Variants in NCOR1 observed in about 807,000 individuals in gnomAD.
NCOR1 encodes the protein protein phosphatase 1, regulatory subunit 109.
NCOR1 carries 63 observed loss-of-function variants against 288.1 expected under a neutral mutation model. That is an observed-to-expected ratio of 0.22 (90% CI 0.18 to 0.27). The LOEUF is 0.27. Ranked by LOEUF, NCOR1 falls within the 10% of genes least tolerant of loss-of-function variation. The pLI is 1.00. For missense variants in NCOR1, 2,397 were observed against 3,019.2 expected (o/e 0.79, Z 4.83); for synonymous variants, 1,007 against 1,065.9 (o/e 0.94, Z 1.08).
chr17:16,045,980 A>AT (rs1262149316), intron 42 of NCOR1, among the ~76,000 whole-genome samples: 1 of 152,120 alleles, frequency 6.6e-6, no homozygotes, highest in East Asian at 1.9e-4. Context: ...CACCCAGCTA[A>AT]TTTTTTATAT....
intron 23 of NCOR1, among the ~76,000 whole-genome samples, chr17:16,085,757 G>A (rs1428806223): frequency 6.6e-6 from 1 of 152,220 alleles, no homozygotes; most frequent in East Asian, 1.9e-4. Flanking sequence ...TGAAGTGATG[G>A]AAGTGTTCAA....
At chr17:16,108,513 C>G (rs1020577131) in intron 19 of NCOR1, among the ~76,000 whole-genome samples, 50 of 152,270 alleles carry the variant, frequency 3.3e-4, no homozygotes, top group African/African-American at 1.2e-3. Context: ...ATAAATGTGG[C>G]AATGACACAG....
At chr17:16,143,800 A>G (rs1445937165) in intron 10 of NCOR1, 104 bp from the exon 11 acceptor site, 1 of 765,582 alleles carries the variant, frequency 1.3e-6, no homozygotes, top group African/African-American at 1.9e-5. Flanking sequence ...TTTTTAACCA[A>G]GTTAAGAGAA....
intron 2 of NCOR1, among the ~76,000 whole-genome samples, chr17:16,193,559 C>A (rs1490749204): frequency 6.6e-6 from 1 of 151,984 alleles, no homozygotes; most frequent in Non-Finnish European, 1.5e-5. Context: ...CCAGCAGCAA[C>A]AATAATCCAG....
At chr17:16,101,889 T>C (rs1431296518) in intron 19 of NCOR1, 132 bp from the exon 20 acceptor site, 1 of 1,176,464 alleles carries the variant, frequency 8.5e-7, no homozygotes, top group Non-Finnish European at 1.2e-6. Flanking sequence ...AGTAGTTGTT[T>C]AGGATGAATT....
intron 1 of NCOR1, among the ~76,000 whole-genome samples, chr17:16,214,016 T>C (rs780300788): frequency 3.9e-5 from 6 of 152,192 alleles, no homozygotes; most frequent in Non-Finnish European, 8.8e-5. Flanking sequence ...AGCAACTGGG[T>C]ACTATAAATA....
At chr17:16,056,725 T>A (rs959020762) in intron 40 of NCOR1, among the ~76,000 whole-genome samples, 2 of 152,190 alleles carry the variant, frequency 1.3e-5, no homozygotes, top group Admixed American at 1.3e-4. Flanking sequence ...CACTTTATTT[T>A]AACCAAACAC....
intron 12 of NCOR1, 94 bp downstream of exon 12, chr17:16,138,914 T>C: frequency 1.0e-6 from 1 of 970,856 alleles, no homozygotes; most frequent in Non-Finnish European, 1.5e-6. Flanking sequence ...GGACCAAGTT[T>C]TTGTGAAAAC....
chr17:16,104,663 T>C (rs1012635514), intron 19 of NCOR1, among the ~76,000 whole-genome samples: 1 of 152,058 alleles, frequency 6.6e-6, no homozygotes, highest in African/African-American at 2.4e-5. Context: ...TCCCAGCTAT[T>C]GGGAGGCTGA....
chr17:16,061,078 G>C (rs2152577689), intron 37 of NCOR1, among the ~76,000 whole-genome samples: 1 of 152,262 alleles, frequency 6.6e-6, no homozygotes, highest in East Asian at 1.9e-4. Flanking sequence ...TGCTTCCTGA[G>C]AAATTACACC....
chr17:16,127,886 CTG>C (rs1293293233), intron 14 of NCOR1, among the ~76,000 whole-genome samples: 2 of 151,800 alleles, frequency 1.3e-5, no homozygotes, highest in Non-Finnish European at 2.9e-5. Context: ...ACATCTCACT[CTG>C]TCACCCAGGC....
At chr17:16,131,575 CA>C (rs1295718332) in intron 14 of NCOR1, among the ~76,000 whole-genome samples, 4 of 152,052 alleles carry the variant, frequency 2.6e-5, no homozygotes, top group Admixed American at 6.6e-5. Flanking sequence ...TAACAAGCAG[CA>C]ATTGTAAATA....
intron 42 of NCOR1, among the ~76,000 whole-genome samples, chr17:16,044,117 C>T (rs1825548691): frequency 7.1e-6 from 1 of 140,262 alleles, no homozygotes; most frequent in East Asian, 2.0e-4. Context: ...TGCGGTGAGC[C>T]GAGATCGTGC....
chr17:16,057,843 T>A, intron 39 of NCOR1, 64 bp downstream of exon 39: 1 of 1,506,734 alleles, frequency 6.6e-7, no homozygotes, highest in East Asian at 2.4e-5. Context: ...TTTTTCTATA[T>A]GAAATCTGCT....
At chr17:16,123,323 C>T (rs1004538284) in intron 15 of NCOR1, among the ~76,000 whole-genome samples, 2 of 151,940 alleles carry the variant, frequency 1.3e-5, no homozygotes, top group Non-Finnish European at 2.9e-5. Context: ...CTCAGAAATG[C>T]CTCTCTCACT....
In NCOR1 at chr17:16,199,216, AACACACAC is replaced by A. The variant is rs148297225; in HGVS notation, c.-70-4585_-70-4578del. 1.2e-4 allele frequency among the ~76,000 whole-genome samples: 15 copies of A among 122,314 alleles called. 1 individual carries two copies. The highest frequency in any genetic ancestry group is 4.9e-4 in the African/African-American group (15 of 30,704). 80.2% of individuals were successfully genotyped at this position (122,314 alleles called of 152,430 possible). On this transcript the variant is annotated intron_variant, in intron 1 of 45. Transcript: ENST00000268712. ...CCCAATACAGAAGGAAAAAAAAAAA[AACACACAC>A]ACACACACACACACACACACTAGCA... is the stretch of plus-strand genomic sequence containing the variant.
intron 42 of NCOR1, among the ~76,000 whole-genome samples, chr17:16,045,248 G>T (rs1378115726): frequency 6.6e-6 from 1 of 152,156 alleles, no homozygotes; most frequent in Non-Finnish European, 1.5e-5. Flanking sequence ...AAGCCAGTTG[G>T]TCCATCATTA....
chr17:16,077,498 GAGAGGGGA>G (rs2062676753), intron 26 of NCOR1, among the ~76,000 whole-genome samples: 3 of 31,404 alleles, frequency 9.6e-5, no homozygotes, highest in African/African-American at 1.6e-4. Flanking sequence ...GAGAGGGGAG[GAGAGGGGA>G]GGAGAGGGGA....
intron 32 of NCOR1, among the ~76,000 whole-genome samples, chr17:16,066,879 TA>T (rs1247041992): frequency 6.6e-6 from 1 of 152,258 alleles, no homozygotes; most frequent in Non-Finnish European, 1.5e-5. Context: ...AATTCTTCTC[TA>T]AGGACCAAAG....
Sources: allele counts gnomAD v4.1 joint callset (sites outside exome capture counted in the v4.1 genomes callset), GRCh38; gene constraint gnomAD v4.1.1; transcripts MANE v1.5; gene names NCBI Gene and HGNC (gene_info 2026-07-23, HGNC 2026-07-21).